Variants in RALGAPB observed in about 807,000 individuals in gnomAD.
The protein encoded by RALGAPB is Ral GTPase activating protein non-catalytic subunit beta, also known as ral GTPase-activating protein subunit beta.
In RALGAPB, 25 loss-of-function variants were observed where a neutral mutation model predicts 161.1. The ratio of observed to expected loss-of-function variants is 0.16; its 90% CI spans 0.11 to 0.22. The LOEUF (loss-of-function observed/expected upper bound fraction) is 0.22, where lower values mean the gene tolerates loss of function less well. Ranked by LOEUF, RALGAPB falls within the 10% of genes least tolerant of loss-of-function variation. RALGAPB has a pLI of 1.00. For missense variants in RALGAPB, 1,391 were observed against 1,815.2 expected (o/e 0.77, Z 4.25); for synonymous variants, 629 against 626.1 (o/e 1.00, Z -0.07).
chr20:38,510,147 C>T (rs1444914744), intron 6 of RALGAPB, among the ~76,000 whole-genome samples: 1 of 147,910 alleles, frequency 6.8e-6, no homozygotes, highest in African/African-American at 2.6e-5. Context: ...CACACACACA[C>T]ACACACACAC....
At chr20:38,516,700 G>A (rs2086135270) in intron 7 of RALGAPB, 1 of 193,280 alleles carries the variant, frequency 5.2e-6, no homozygotes. Context: ...CAAAGGATAA[G>A]AGTAAATGAT....
chr20:38,486,265 G>A (rs899791363), intron 1 of RALGAPB, among the ~76,000 whole-genome samples: 4 of 151,954 alleles, frequency 2.6e-5, no homozygotes, highest in Non-Finnish European at 5.9e-5. Flanking sequence ...GAGTCACCAC[G>A]CCTGGCCTAT....
At chr20:38,525,303 C>A in intron 11 of RALGAPB, 101 bp from the exon 12 acceptor site, 1 of 787,298 alleles carries the variant, frequency 1.3e-6, no homozygotes, top group African/African-American at 1.8e-5. Context: ...TATACAAATA[C>A]ACAATGCTTG....
At chr20:38,527,738 CAT>C (rs1445565313) in intron 13 of RALGAPB, among the ~76,000 whole-genome samples, 4 of 152,296 alleles carry the variant, frequency 2.6e-5, no homozygotes, top group African/African-American at 9.6e-5. Context: ...ATTTAAATAA[CAT>C]AATTTTGCTT....
At chr20:38,475,618 CTT>C (rs1230898524) in intron 1 of RALGAPB, among the ~76,000 whole-genome samples, 15 of 139,068 alleles carry the variant, frequency 1.1e-4, no homozygotes, top group Non-Finnish European at 4.7e-5. Flanking sequence ...TTTTTTTTTT[CTT>C]TTTTTTTTTT....
intron 9 of RALGAPB, among the ~76,000 whole-genome samples, chr20:38,518,984 A>G (rs963227389): frequency 1.3e-5 from 2 of 152,164 alleles, no homozygotes; most frequent in Non-Finnish European, 2.9e-5. Context: ...ATTCTTAGCT[A>G]TTATTATTAT....
Position 38,479,861 on chromosome 20 carries a change from T to C in RALGAPB, c.-31+6792T>C, listed in dbSNP as rs532623665. Among the ~76,000 whole-genome samples, 126 of 152,352 alleles carry C rather than the reference T, an allele frequency of 8.3e-4. 1 individual carries two copies. In the South Asian group the frequency reaches 0.024, roughly 29 times the overall value. On this transcript the variant is annotated intron_variant, in intron 1 of 29. Transcript: ENST00000262879. ...CCGCCCTCAACCTTAGCCTATATGGTAGCCACATTGGAGTTTGCTCTTCTA... is the reference window on the plus strand; with the variant it reads ...CCGCCCTCAACCTTAGCCTATATGGCAGCCACATTGGAGTTTGCTCTTCTA...
In RALGAPB at chr20:38,574,289, C is replaced by A. The variant is rs749735910; in HGVS notation, c.4282C>A (p.Arg1428=). 4 of 1,609,406 alleles carry A rather than the reference C, an allele frequency of 2.5e-6. No homozygotes were observed. The South Asian group carries it at 3.3e-5, about 13-fold the overall frequency. ...PLVDGMIVSR[R]ALGFLVRQTV... ...TGTGGATGGGATGATTGTCAGCAGGCGAGCTCTTGGTAAGGTCTTCATATG... is the reference window on the plus strand; with the variant it reads ...TGTGGATGGGATGATTGTCAGCAGGAGAGCTCTTGGTAAGGTCTTCATATG... Residue 1428 remains arginine, a synonymous_variant, in exon 29 of 30, where the codon CGA becomes AGA. Transcript: ENST00000262879.
At chr20:38,513,303 A>G (rs1231426455) in intron 6 of RALGAPB, among the ~76,000 whole-genome samples, 3 of 152,018 alleles carry the variant, frequency 2.0e-5, no homozygotes, top group African/African-American at 4.8e-5. Flanking sequence ...CAGGAGTTCG[A>G]GACCAGCCTG....
rs1165005455 is a variant in RALGAPB at position 38,548,718 on chromosome 20, G to T, written c.2932G>T (p.Val978Phe). 6.2e-7 allele frequency: 1 copy of T among 1,613,756 alleles called. No homozygotes were observed. The highest frequency in any genetic ancestry group is 8.5e-7 in the Non-Finnish European group (1 of 1,179,856). Residue 978 changes from valine to phenylalanine, a missense_variant, in exon 20 of 30, where the codon GTC becomes TTC. By Grantham distance (50) the Val-to-Phe change is conservative. Around this residue, in one of 3 missense-constraint regions of RALGAPB, gnomAD observed 946 missense variants for 1,257.2 expected, o/e 0.75. Coordinates refer to ENST00000262879, the MANE Select transcript of RALGAPB (RefSeq NM_020336.4). ...TTTTTTCCCCTCTGTCACTGTGCTG[G>T]TCCGGGGAATGTCTGGAAGACTTGC... ...NDFFPSVTVL[V>F]RGMSGRLAWA...
intron 6 of RALGAPB, among the ~76,000 whole-genome samples, chr20:38,512,011 G>A (rs1568928299): frequency 6.6e-6 from 1 of 152,180 alleles, no homozygotes. Context: ...CTAAGAGCAT[G>A]TCTTTTTCTT....
Position 38,553,777 on chromosome 20 carries a change from C to CAAAAAA in RALGAPB, c.3163-71_3163-66dup, listed in dbSNP as rs35778032. 7.1e-4 allele frequency: 199 copies of CAAAAAA among 278,428 alleles called. 4 individuals carry two copies. The highest frequency in any genetic ancestry group is 2.3e-3 in the Middle Eastern group (2 of 878). The allele number at this position is 278,428 out of a possible 1,614,324, so 17.2% of individuals were successfully genotyped here. A position where few individuals can be genotyped will look rare whatever the true frequency, so the allele number is the denominator to read the frequency against. On this transcript the variant is annotated intron_variant, in intron 21 of 29. Coordinates refer to ENST00000262879, the MANE Select transcript of RALGAPB (RefSeq NM_020336.4). ...GCTTGGTCAACATAGAGCCCAGTCT[C>CAAAAAA]AAAAAAAAAAAAAAAAAAAAAAAAC...
chr20:38,532,649 A>G, intron 14 of RALGAPB, 81 bp from the exon 15 acceptor site: 3 of 1,529,196 alleles, frequency 2.0e-6, no homozygotes, highest in African/African-American at 1.4e-5. Flanking sequence ...TGCTTTATCA[A>G]CATGGTTTTT....
At chr20:38,521,775 A>T in intron 10 of RALGAPB, 77 bp downstream of exon 10, 1 of 1,452,496 alleles carries the variant, frequency 6.9e-7, no homozygotes, top group Non-Finnish European at 9.5e-7. Context: ...GACTGAACCG[A>T]TGAGTGATGT....
chr20:38,508,792 G>A (rs952136659), intron 5 of RALGAPB, among the ~76,000 whole-genome samples: 14 of 151,894 alleles, frequency 9.2e-5, no homozygotes, highest in African/African-American at 2.9e-4. Flanking sequence ...TTTAATGAAC[G>A]CATAATAGTT....
At chr20:38,563,429 T>C (rs2087862405) in intron 24 of RALGAPB, among the ~76,000 whole-genome samples, 1 of 152,256 alleles carries the variant, frequency 6.6e-6, no homozygotes. Context: ...TGGGATATTA[T>C]ACCAAAACCT....
At chr20:38,517,757 G>C (rs374194853) in intron 8 of RALGAPB, 27 bp from the exon 9 acceptor site, 291 of 1,605,404 alleles carry the variant, frequency 1.8e-4, no homozygotes, top group Non-Finnish European at 2.3e-4. Flanking sequence ...TCATTGGTAT[G>C]GGTGTATTCT....
At chr20:38,545,866 T>C (rs2087145099) in intron 18 of RALGAPB, among the ~76,000 whole-genome samples, 1 of 152,318 alleles carries the variant, frequency 6.6e-6, no homozygotes, top group African/African-American at 2.4e-5. Flanking sequence ...GCATATGGAA[T>C]ATGAGCTTGC....
chr20:38,516,445 T>C lies in RALGAPB; in HGVS notation c.1051+75T>C, dbSNP rs139724757. 753 of 1,297,902 alleles carry C rather than the reference T, an allele frequency of 5.8e-4. 3 individuals are homozygous for C. The African/African-American group carries it at 9.4e-3, about 16-fold the overall frequency. 80.4% of individuals were successfully genotyped at this position (1,297,902 alleles called of 1,614,324 possible). ...CTCTAGAGGCTAACCCTAGGAGTTATTAGAAAACATCCGAAGGAAAAGATG... is the reference window on the plus strand; with the variant it reads ...CTCTAGAGGCTAACCCTAGGAGTTACTAGAAAACATCCGAAGGAAAAGATG... On this transcript the variant is annotated intron_variant, in intron 7 of 29. Transcript: ENST00000262879.
Sources: allele counts gnomAD v4.1 joint callset (sites outside exome capture counted in the v4.1 genomes callset), GRCh38; gene constraint gnomAD v4.1.1; regional missense constraint gnomAD v4.1.1; transcripts MANE v1.5; gene names NCBI Gene and HGNC (gene_info 2026-07-23, HGNC 2026-07-21).